The following MYO3B variants were observed in gnomAD, a reference collection of about 807,000 sequenced individuals.
The protein encoded by MYO3B is myosin IIIB, also known as myosin-IIIb.
MYO3B carries 156 observed loss-of-function variants against 174.6 expected under a neutral mutation model. The observed-to-expected ratio is 0.89, with a 90% confidence interval of 0.78 to 1.02. MYO3B has a LOEUF of 1.02. MYO3B is among the 50% of genes least tolerant of loss of function. MYO3B has a pLI of 0.00. For synonymous variants in MYO3B, 563 were observed against 569.1 expected (o/e 0.99, Z 0.15); for missense variants, 1,632 against 1,639.4 (o/e 1.00, Z 0.08).
intron 23 of MYO3B, among the ~76,000 whole-genome samples, chr2:170,446,918 AC>A (rs1387043654): frequency 6.6e-6 from 1 of 152,206 alleles, no homozygotes; most frequent in African/African-American, 2.4e-5. Context: ...TGACTGAAAA[AC>A]AAAAGGGTAT....
rs372208742 is a variant in MYO3B, at chr2:170,378,079, T to TA, written c.972-3930dup. Reference sequence around the variant, plus strand: ...CACAAATCACTTAACTCAATAAAATTAAAAAAATAAACCAAGTTTATTTTT... The same window carrying TA: ...CACAAATCACTTAACTCAATAAAATTAAAAAAAATAAACCAAGTTTATTTTT... On this transcript the variant is annotated intron_variant, in intron 9 of 34. Transcript: ENST00000408978. Among the ~76,000 whole-genome samples, 25 of 150,976 alleles carry TA rather than the reference T, an allele frequency of 1.7e-4. 1 individual carries two copies. Among genetic ancestry groups the TA allele is most frequent in the African/African-American group, 5.1e-4 (21 of 41,156 alleles).
At chr2:170,587,942 A>C (rs1373386794) in intron 32 of MYO3B, among the ~76,000 whole-genome samples, 1 of 152,190 alleles carries the variant, frequency 6.6e-6, no homozygotes, top group African/African-American at 2.4e-5. Flanking sequence ...TTCAGTATGG[A>C]TGAAACCTCC....
At chr2:170,518,287 G>T (rs1445186573) in intron 29 of MYO3B, among the ~76,000 whole-genome samples, 4 of 152,040 alleles carry the variant, frequency 2.6e-5, no homozygotes, top group Non-Finnish European at 5.9e-5. Flanking sequence ...TAATCATAAT[G>T]TCAACCATTT....
At chr2:170,244,831 T>A (rs912480125) in intron 7 of MYO3B, among the ~76,000 whole-genome samples, 1 of 152,226 alleles carries the variant, frequency 6.6e-6, no homozygotes, top group South Asian at 2.1e-4. Context: ...TTAGACATAA[T>A]ATATTTGTAT....
At chr2:170,650,073 C>T (rs1352017333) in intron 32 of MYO3B, 4 of 122,294 alleles carry the variant, frequency 3.3e-5, no homozygotes, top group Non-Finnish European at 6.4e-5. Context: ...CACTCTGTCA[C>T]CCAGACTGGA....
At chr2:170,484,308 C>G (rs1267706711) in intron 25 of MYO3B, among the ~76,000 whole-genome samples, 2 of 151,986 alleles carry the variant, frequency 1.3e-5, no homozygotes, top group Non-Finnish European at 2.9e-5. Context: ...TGTGAAATGC[C>G]CATCCTCAAA....
At chr2:170,357,695 G>C (rs192896173) in intron 8 of MYO3B, among the ~76,000 whole-genome samples, 2 of 152,176 alleles carry the variant, frequency 1.3e-5, no homozygotes, top group Non-Finnish European at 2.9e-5. Context: ...ACGTTGGTAG[G>C]AATATAAAAT....
At chr2:170,379,580 C>A (rs922075151) in intron 9 of MYO3B, among the ~76,000 whole-genome samples, 1 of 152,192 alleles carries the variant, frequency 6.6e-6, no homozygotes, top group Admixed American at 6.5e-5. Context: ...TATCCTCCTG[C>A]TGTTTTATTT....
In MYO3B at chr2:170,217,439, C is replaced by T. The variant is rs146137407; in HGVS notation, c.603+44C>T. 2.1e-4 allele frequency: 320 copies of T among 1,510,536 alleles called. 1 individual carries two copies. In the African/African-American group the frequency reaches 4.0e-3, roughly 19 times the overall value. 93.6% of individuals were successfully genotyped at this position (1,510,536 alleles called of 1,614,324 possible). A position where few individuals can be genotyped will look rare whatever the true frequency, so the allele number is the denominator to read the frequency against. On this transcript the variant is annotated intron_variant, in intron 6 of 34. Coordinates refer to ENST00000408978, the MANE Select transcript of MYO3B (RefSeq NM_138995.5). ...GTTCTTTCTTTGCACTTGTTGAATG[C>T]CTTGGTACTATGCCTTTTTATGGGT...
At chr2:170,515,993 G>A (rs1265066527) in intron 29 of MYO3B, among the ~76,000 whole-genome samples, 1 of 152,124 alleles carries the variant, frequency 6.6e-6, no homozygotes, top group Non-Finnish European at 1.5e-5. Context: ...CAAAAGAAGG[G>A]TGTCTGGCTA....
chr2:170,280,144 T>C (rs751287573), intron 7 of MYO3B, among the ~76,000 whole-genome samples: 3 of 152,250 alleles, frequency 2.0e-5, no homozygotes, highest in Non-Finnish European at 4.4e-5. Flanking sequence ...GACTTTTTAA[T>C]AATAGACATT....
chr2:170,390,042 C>G (rs1416039486), intron 14 of MYO3B, among the ~76,000 whole-genome samples: 2 of 152,046 alleles, frequency 1.3e-5, no homozygotes, highest in Non-Finnish European at 2.9e-5. Context: ...CCGTGACTGG[C>G]AATTAATATG....
At chr2:170,499,839 C>G (rs769771993) in intron 27 of MYO3B, 31 bp downstream of exon 27, 7 of 1,607,336 alleles carry the variant, frequency 4.4e-6, no homozygotes, top group Non-Finnish European at 6.0e-6. Flanking sequence ...AAATACTGCC[C>G]TGGGTATTGG....
intron 7 of MYO3B, among the ~76,000 whole-genome samples, chr2:170,323,118 A>C (rs1288951612): frequency 1.3e-5 from 2 of 152,218 alleles, no homozygotes; most frequent in African/African-American, 4.8e-5. Flanking sequence ...GTGTGTCATA[A>C]TTAGGTGCAT....
At chr2:170,400,432 G>C in intron 17 of MYO3B, 118 bp downstream of exon 17, 1 of 1,204,454 alleles carries the variant, frequency 8.3e-7, no homozygotes, top group Non-Finnish European at 1.1e-6. Flanking sequence ...TCGAGATGGA[G>C]TCTCACTCTG....
intron 9 of MYO3B, among the ~76,000 whole-genome samples, chr2:170,375,331 G>A (rs1424391920): frequency 6.6e-6 from 1 of 152,108 alleles, no homozygotes; most frequent in Non-Finnish European, 1.5e-5. Flanking sequence ...TGGAGGCAGG[G>A]AAAGGACTCG....
Position 170,653,006 on chromosome 2 carries a change from A to C in MYO3B, c.3911A>C (p.Glu1304Ala). 1 of 1,614,156 alleles carries C rather than the reference A, an allele frequency of 6.2e-7. No homozygotes were observed. Among genetic ancestry groups the C allele is most frequent in the Non-Finnish European group, 8.5e-7 (1 of 1,180,022 alleles). The change falls in exon 35 of 35, where the codon GAA becomes GCA. Residue 1304 changes from glutamate to alanine, a missense_variant. Coordinates refer to ENST00000408978, the MANE Select transcript of MYO3B (RefSeq NM_138995.5). ...KLGQIKVLDGEDEYYKSLSPV... is the reference protein window; with the variant it reads ...KLGQIKVLDGADEYYKSLSPV... Reference sequence around the variant, plus strand: ...AGCCAAATCAAAGTACTTGATGGGGAAGATGAATATTACAAATCTCTGTCA... The same window carrying C: ...AGCCAAATCAAAGTACTTGATGGGGCAGATGAATATTACAAATCTCTGTCA...
chr2:170,412,231 CAG>C (rs1340566896), intron 22 of MYO3B: 1 of 152,160 alleles, frequency 6.6e-6, no homozygotes, highest in Non-Finnish European at 1.5e-5. Flanking sequence ...TTAAAAGGCT[CAG>C]GGGAAGAAAG....
chr2:170,286,602 G>A (rs753318307), intron 7 of MYO3B, among the ~76,000 whole-genome samples: 20 of 151,848 alleles, frequency 1.3e-4, no homozygotes, highest in Non-Finnish European at 2.2e-4. Flanking sequence ...GTCAAGTTCC[G>A]TCTTACTGGG....
Sources: allele counts gnomAD v4.1 joint callset (sites outside exome capture counted in the v4.1 genomes callset), GRCh38; gene constraint gnomAD v4.1.1; transcripts MANE v1.5; gene names NCBI Gene and HGNC (gene_info 2026-07-23, HGNC 2026-07-21).